Variants in GOLGA2 observed in about 807,000 individuals in gnomAD.
GOLGA2 encodes golgin subfamily A member 2.
A neutral mutation model predicts 148.8 loss-of-function variants in GOLGA2; 49 were observed. The ratio of observed to expected loss-of-function variants is 0.33; its 90% CI spans 0.26 to 0.42. GOLGA2 has a LOEUF of 0.42. GOLGA2 is among the 10% of genes least tolerant of loss of function. GOLGA2 has a pLI of 1.00. For synonymous variants in GOLGA2, 501 were observed against 511.8 expected, an observed-to-expected ratio of 0.98 and a Z score of 0.28; for missense variants, 1,178 against 1,304.6, an observed-to-expected ratio of 0.90 and a Z score of 1.49.
intron 3 of GOLGA2, among the ~76,000 whole-genome samples, chr9:128,272,458 T>C (rs1831013875): frequency 6.6e-6 from 1 of 150,830 alleles, no homozygotes; most frequent in Non-Finnish European, 1.5e-5. Context: ...CACTCCAGCC[T>C]GGGCAGTGAG....
intron 12 of GOLGA2, among the ~76,000 whole-genome samples, chr9:128,265,201 T>G (rs776308164): frequency 6.6e-6 from 1 of 152,240 alleles, no homozygotes; most frequent in Non-Finnish European, 1.5e-5. Context: ...TATATTGTCA[T>G]AGTACATAGG....
Position 128,272,875 on chromosome 9 carries a change from G to A in GOLGA2, c.208-10C>T, listed in dbSNP as rs891875021. On this transcript the variant is annotated splice_polypyrimidine_tract_variant and intron_variant, in intron 2 of 26. Transcript: ENST00000611957. ...TCAGAATGTCCTGAATCTACAGGAG[G>A]CGAAAAGGGAAAAACAAGGGCAGGG... 7.3e-6 allele frequency: 9 copies of A among 1,237,120 alleles called. No homozygotes were observed. In the African/African-American group the frequency reaches 9.3e-5, roughly 13 times the overall value. 76.6% of individuals were successfully genotyped at this position (1,237,120 alleles called of 1,614,324 possible).
In GOLGA2 at chr9:128,260,532, C is replaced by T. The variant is rs747265850; in HGVS notation, c.1691G>A (p.Arg564His). 4 of 1,613,406 alleles carry T rather than the reference C, an allele frequency of 2.5e-6. No individual in the cohort carries two copies. The highest frequency in any genetic ancestry group is 3.4e-6 in the Non-Finnish European group (4 of 1,179,990). The change falls in exon 18 of 27, where the codon CGC becomes CAC. Residue 564 changes from arginine (R) to histidine (H), a missense_variant. This residue lies in a region of GOLGA2 where 529 missense variants were observed against 521.8 expected (regional missense o/e 1.01). Coordinates refer to ENST00000611957, the MANE Select transcript of GOLGA2 (RefSeq NM_001366244.2). This position sits in a 1 kb window ranked among gnomAD's most constrained non-coding sequence, Gnocchi z 4.8. ...TMQNDRTTIS[R>H]ALSQNRELKE... ...GAGCTCCCGGTTCTGGGAGAGTGCG[C>T]GGCTGATGGTAGTGCGGTCGTTCTG...
chr9:128,259,455 T>G, intron 19 of GOLGA2, 64 bp from the exon 20 acceptor site: 4 of 1,050,314 alleles, frequency 3.8e-6, no homozygotes, highest in Non-Finnish European at 5.6e-6. Flanking sequence ...GGCCCATAAA[T>G]AGGGTAGCGA....
Position 128,265,553 on chromosome 9 carries a change from T to C in GOLGA2, c.933+32A>G, listed in dbSNP as rs759401461. 4.8e-6 allele frequency: 7 copies of C among 1,472,836 alleles called. No individual in the cohort carries two copies. In the East Asian group the frequency reaches 1.6e-4, roughly 33 times the overall value. The allele number at this position is 1,472,836 out of a possible 1,614,324, so 91.2% of individuals were successfully genotyped here. On this transcript the variant is annotated intron_variant, in intron 12 of 26. Coordinates refer to ENST00000611957, the MANE Select transcript of GOLGA2 (RefSeq NM_001366244.2). ...CACTCCTCCATCTGGGAAGCCAGTA[T>C]GCCAGGGGACGGGGCAGGCAGTTGG...
At position 128,260,439 on chromosome 9, in the gene GOLGA2, C is replaced by T. The variant is rs114701011; in HGVS notation, c.1758+26G>A. On this transcript the variant is annotated intron_variant, in intron 18 of 26. Coordinates refer to ENST00000611957, the MANE Select transcript of GOLGA2 (RefSeq NM_001366244.2). This position sits in a 1 kb window ranked among gnomAD's most constrained non-coding sequence, Gnocchi z 4.8. ...AGGTCTGGAGGGCTAGGGAGGAGGG[C>T]GGGCTCTCCAGGTGGGGCAGCGCAC... 3.8e-3 allele frequency: 6,013 copies of T among 1,570,850 alleles called. 170 individuals are homozygous for T. In the African/African-American group the frequency reaches 0.071, roughly 19 times the overall value.
Position 128,262,687 on chromosome 9 carries a change from A to C in GOLGA2, c.1010T>G (p.Leu337Arg). The change falls in exon 14 of 27, where the codon CTG becomes CGG. Residue 337 changes from leucine (L) to arginine (R), a missense_variant. This residue lies in a region of GOLGA2 where 304 missense variants were observed against 404.1 expected (regional missense o/e 0.75). Transcript: ENST00000611957. ...TTCCAATTCTGATTTCTCTTGCTTC[A>C]GGTCCTCATTGCTTTGGCTATGGCC... ...LYKNTQSNED[L>R]KQEKSELEEK... The C allele has an allele frequency of 2.5e-6, 4 of 1,613,430 alleles. No homozygotes were observed. Among genetic ancestry groups the C allele is most frequent in the Non-Finnish European group, 3.4e-6 (4 of 1,179,706 alleles).
chr9:128,259,200 G>A lies in GOLGA2; in HGVS notation c.2064C>T (p.Ala688=), dbSNP rs369066256. 1.8e-5 allele frequency: 28 copies of A among 1,587,270 alleles called. No homozygotes were observed. Among genetic ancestry groups the A allele is most frequent in the African/African-American group, 6.7e-5 (5 of 74,588 alleles). Residue 688 remains alanine, a synonymous_variant, in exon 20 of 27, where the codon GCC becomes GCT. Transcript: ENST00000611957. ...CCTGCAACTCTTGGCGGGCCATCTC[G>A]GCCACCGCTTTGCCCTGAGCTTCCT... ...QQQEAQGKAV[A]EMARQELQET... is the part of the protein sequence containing the mutation.
At position 128,259,271 on chromosome 9, in the gene GOLGA2, T is replaced by G. The variant is rs760549190; in HGVS notation, c.1993A>C (p.Asn665His). 33 of 1,611,626 alleles carry G rather than the reference T, an allele frequency of 2.0e-5. No homozygotes were observed. The African/African-American group carries it at 3.9e-4, about 19-fold the overall frequency. ...QLTSEKEVLH[N>H]QLLLQTQLVD... ...AGCTGGGTCTGCAGCAGTAGCTGAT[T>G]ATGCAGCACCTCCTTCTCAGAGGTC... is the stretch of plus-strand genomic sequence containing the variant. Residue 665 changes from asparagine (N) to histidine (H), a missense_variant, in exon 20 of 27, where the codon AAT becomes CAT. By Grantham distance (68) the Asn-to-His change is moderately conservative. Transcript: ENST00000611957.
At chr9:128,274,998 C>A (rs903555669) in intron 1 of GOLGA2, among the ~76,000 whole-genome samples, 2 of 152,000 alleles carry the variant, frequency 1.3e-5, no homozygotes, top group Admixed American at 6.6e-5. Context: ...ATGGAGAATT[C>A]GAATATGAGG....
Position 128,260,612 on chromosome 9 carries a change from C to T in GOLGA2, c.1611G>A (p.Ala537=), listed in dbSNP as rs200462679. 55 of 1,611,204 alleles carry T rather than the reference C, an allele frequency of 3.4e-5. No individual in the cohort carries two copies. The East Asian group carries it at 3.8e-4, about 11-fold the overall frequency. ...CCGCCTGCTCCCCCCAGAGCTCGGC[C>T]GCCCGCTCCAGCTCCAGCAGCCTCT... ...QEERLLELER[A]AELWGEQAEA... is the part of the protein sequence containing the mutation. The change falls in exon 18 of 27, where the codon GCG becomes GCA. Residue 537 remains alanine (A), a synonymous_variant. Coordinates refer to ENST00000611957, the MANE Select transcript of GOLGA2 (RefSeq NM_001366244.2). The surrounding 1 kb of genome is among the most constrained non-coding windows in gnomAD (Gnocchi z 4.8).
At chr9:128,275,639 G>T (rs887876535) in intron 1 of GOLGA2, 4 of 686,812 alleles carry the variant, frequency 5.8e-6, no homozygotes, top group Non-Finnish European at 9.2e-6. Context: ...CGGGGGGCAG[G>T]AGGTGAGGGC....
Position 128,260,719 on chromosome 9 carries a change from C to T in GOLGA2, c.1504G>A (p.Glu502Lys). 2.5e-6 allele frequency: 4 copies of T among 1,613,524 alleles called. No individual in the cohort carries two copies. Among genetic ancestry groups the T allele is most frequent in the Non-Finnish European group, 3.4e-6 (4 of 1,179,936 alleles). Residue 502 changes from glutamate to lysine, a missense_variant, in exon 18 of 27, where the codon GAG becomes AAG. By Grantham distance (56) the Glu-to-Lys change is moderately conservative. This residue lies in a region of GOLGA2 where 529 missense variants were observed against 521.8 expected (regional missense o/e 1.01). Coordinates refer to ENST00000611957, the MANE Select transcript of GOLGA2 (RefSeq NM_001366244.2). The surrounding 1 kb of genome is among the most constrained non-coding windows in gnomAD (Gnocchi z 4.8). ...AGCTGTCCTGCCAGACCCTCCAGCT[C>T]CTTCCGCAGGTGCTCAGCCTCCGCT... ...LQAEAEHLRK[E>K]LEGLAGQLQA...
At chr9:128,262,782 C>A in intron 13 of GOLGA2, 78 bp from the exon 14 acceptor site, 3 of 1,358,918 alleles carry the variant, frequency 2.2e-6, no homozygotes, top group Non-Finnish European at 3.1e-6. Flanking sequence ...TCTACCCTTG[C>A]CCCACAACCA....
chr9:128,263,138 C>G (rs549062399), intron 12 of GOLGA2, 46 bp from the exon 13 acceptor site: 8 of 1,246,324 alleles, frequency 6.4e-6, no homozygotes, highest in Admixed American at 5.0e-5. Flanking sequence ...GGCAGAGGAG[C>G]AGCTGGCCAA....
intron 13 of GOLGA2, 107 bp from the exon 14 acceptor site, chr9:128,262,811 A>AG (rs1157463982): frequency 6.6e-6 from 7 of 1,057,826 alleles, no homozygotes; most frequent in African/African-American, 1.6e-5. Context: ...TGGCACTGGA[A>AG]GGAACCCCAG....
intron 14 of GOLGA2, among the ~76,000 whole-genome samples, chr9:128,262,132 T>C (rs1468172971): frequency 6.8e-6 from 1 of 147,660 alleles, no homozygotes; most frequent in Non-Finnish European, 1.5e-5. Flanking sequence ...GCCTGGGAAG[T>C]AGAGGTTGCA....
At chr9:128,262,524 G>A (rs751189552) in intron 14 of GOLGA2, 39 bp downstream of exon 14, 1 of 1,599,596 alleles carries the variant, frequency 6.3e-7, no homozygotes, top group African/African-American at 1.3e-5. Context: ...GCCCCAGCTG[G>A]ATGGCGCTCC....
rs1829992967 is a variant in GOLGA2, at chr9:128,257,934, C to T, written c.2509-42G>A. 1 of 1,597,400 alleles carries T rather than the reference C, an allele frequency of 6.3e-7. No homozygotes were observed. Among genetic ancestry groups the T allele is most frequent in the African/African-American group, 1.3e-5 (1 of 74,542 alleles). Reference sequence around the variant, plus strand: ...GGAGTCATATATCGGCAGCGACCTGCCCCGCCCCCACCCTTCTTGACCCAT... The same window carrying T: ...GGAGTCATATATCGGCAGCGACCTGTCCCGCCCCCACCCTTCTTGACCCAT... On this transcript the variant is annotated intron_variant, in intron 23 of 26. Transcript: ENST00000611957. This position sits in a 1 kb window ranked among gnomAD's most constrained non-coding sequence, Gnocchi z 8.0.
Sources: gnomAD v4.1 joint callset for allele counts (sites outside exome capture counted in the v4.1 genomes callset) on GRCh38, gnomAD v4.1.1 for gene constraint, gnomAD v4.1.1 regional missense constraint, Gnocchi (gnomAD v3.1) non-coding constraint, MANE v1.5 for transcripts, NCBI Gene and HGNC (gene_info 2026-07-23, HGNC 2026-07-21) for gene names.